Variants in PRKCE observed in about 807,000 individuals in gnomAD.
The protein encoded by PRKCE is protein kinase C epsilon type.
PRKCE carries 16 observed loss-of-function variants against 85.4 expected under a neutral mutation model. That is an observed-to-expected ratio of 0.19 (90% CI 0.13 to 0.28). The LOEUF is 0.28. Ranked by LOEUF, PRKCE falls within the 10% of genes least tolerant of loss-of-function variation. The pLI, the probability that PRKCE is intolerant of heterozygous loss-of-function variation, is 1.00. For synonymous variants in PRKCE, 388 were observed against 371.5 expected (o/e 1.04, Z -0.51); for missense variants, 573 against 975.2 (o/e 0.59, Z 5.49).
At chr2:45,882,072 T>C (rs1279400334) in intron 2 of PRKCE, among the ~76,000 whole-genome samples, 1 of 152,226 alleles carries the variant, frequency 6.6e-6, no homozygotes, top group Non-Finnish European at 1.5e-5. Flanking sequence ...GAGTTAATAT[T>C]TTAAAAGTTT....
intron 10 of PRKCE, among the ~76,000 whole-genome samples, chr2:46,043,679 G>A (rs1000526875): frequency 1.3e-5 from 2 of 152,146 alleles, no homozygotes; most frequent in African/African-American, 2.4e-5. Flanking sequence ...CTGAGATGAT[G>A]TATCAGAGAA....
chr2:45,669,417 A>C (rs994193752), intron 1 of PRKCE, among the ~76,000 whole-genome samples: 6 of 152,208 alleles, frequency 3.9e-5, no homozygotes, highest in Admixed American at 6.5e-5. Flanking sequence ...CTCCTTCACA[A>C]GTCTCTCATG....
chr2:46,116,748 GA>G (rs5830889), intron 11 of PRKCE, among the ~76,000 whole-genome samples: 111,741 of 151,672 alleles, frequency 0.74, 41,720 homozygotes, highest in East Asian at 0.98. Context: ...CCTGTTCGGA[GA>G]AAAAAAAAGC....
chr2:45,951,658 G>T (rs566672433), intron 2 of PRKCE, among the ~76,000 whole-genome samples: 1 of 152,330 alleles, frequency 6.6e-6, no homozygotes, highest in East Asian at 1.9e-4. Flanking sequence ...CTCTGTGCTG[G>T]AGGCAAATGT....
chr2:45,693,246 A>G (rs1355698337), intron 1 of PRKCE, among the ~76,000 whole-genome samples: 1 of 152,224 alleles, frequency 6.6e-6, no homozygotes, highest in African/African-American at 2.4e-5. Context: ...TAGGGGGTTC[A>G]GGCAGAGAGT....
Position 45,907,593 on chromosome 2 carries a change from T to C in PRKCE, c.412+64530T>C, listed in dbSNP as rs1243743358. ...GCCCAAGCCTGCTTCCCATGTCACG[T>C]GTGTCATTTTCCCAGTGCCAATCAT... On this transcript the variant is annotated intron_variant, in intron 2 of 14. Transcript: ENST00000306156. This position sits in a 1 kb window ranked among gnomAD's most constrained non-coding sequence, Gnocchi z 4.5. Among the ~76,000 whole-genome samples, 1 of 152,180 alleles carries C rather than the reference T, an allele frequency of 6.6e-6. No homozygotes were observed. Among genetic ancestry groups the C allele is most frequent in the Admixed American group, 6.5e-5 (1 of 15,290 alleles).
chr2:46,081,838 G>T (rs1026329518), intron 10 of PRKCE, among the ~76,000 whole-genome samples: 2 of 152,212 alleles, frequency 1.3e-5, no homozygotes, highest in Non-Finnish European at 2.9e-5. Flanking sequence ...GCTCATGCTT[G>T]TAATCCCAGC....
chr2:45,688,853 G>T (rs1327703174), intron 1 of PRKCE, among the ~76,000 whole-genome samples: 3 of 152,206 alleles, frequency 2.0e-5, no homozygotes, highest in Non-Finnish European at 4.4e-5. Flanking sequence ...GGATCAATGT[G>T]CATTAGCCAG....
chr2:45,961,233 CT>C (rs1207394097), intron 2 of PRKCE, among the ~76,000 whole-genome samples: 3 of 152,076 alleles, frequency 2.0e-5, no homozygotes, highest in African/African-American at 7.2e-5. Context: ...TACCTACCTC[CT>C]TTCCCCCCCC....
rs1301967900 is a variant in PRKCE, at chr2:45,905,514, A to G, written c.412+62451A>G. Among the ~76,000 whole-genome samples the G allele has an allele frequency of 1.3e-5, 2 of 152,228 alleles. No individual in the cohort carries two copies. The highest frequency in any genetic ancestry group is 4.8e-5 in the African/African-American group (2 of 41,460). On this transcript the variant is annotated intron_variant, in intron 2 of 14. Transcript: ENST00000306156. This position sits in a 1 kb window ranked among gnomAD's most constrained non-coding sequence, Gnocchi z 4.4. The stretch of plus-strand genomic sequence containing the variant: ...ATAATCAGGTAAAAAACACCCTGCC[A>G]TCTGGTAAAACACAGCTTAAGCACA...
chr2:45,995,134 T>C (rs1454773467), intron 6 of PRKCE, among the ~76,000 whole-genome samples: 3 of 152,128 alleles, frequency 2.0e-5, no homozygotes, highest in Non-Finnish European at 2.9e-5. Flanking sequence ...GGTTATTCAT[T>C]TTGTTATTGT....
At chr2:45,810,561 T>C (rs1236628954) in intron 1 of PRKCE, among the ~76,000 whole-genome samples, 1 of 151,926 alleles carries the variant, frequency 6.6e-6, no homozygotes, top group Non-Finnish European at 1.5e-5. Flanking sequence ...ACTGCAATGT[T>C]AACTTCATCT....
intron 10 of PRKCE, among the ~76,000 whole-genome samples, chr2:46,025,909 A>T (rs1402653143): frequency 1.3e-5 from 2 of 152,160 alleles, no homozygotes; most frequent in East Asian, 1.9e-4. Context: ...ACCCATCACT[A>T]TGGGAACCAG....
At position 45,767,126 on chromosome 2, in the gene PRKCE, C is replaced by T. The variant is rs150172435; in HGVS notation, c.349-75874C>T. ...TACTTTGGTCTTTGCGTTTGCTTCCCGTAGAAATGTACTTTTTCTAATTAT... is the reference window on the plus strand; with the variant it reads ...TACTTTGGTCTTTGCGTTTGCTTCCTGTAGAAATGTACTTTTTCTAATTAT... On this transcript the variant is annotated intron_variant, in intron 1 of 14. Transcript: ENST00000306156. Among the ~76,000 whole-genome samples the T allele has an allele frequency of 3.7e-4, 56 of 152,158 alleles. No homozygotes were observed. The East Asian group carries it at 8.1e-3, about 22-fold the overall frequency.
intron 1 of PRKCE, among the ~76,000 whole-genome samples, chr2:45,728,995 C>T (rs1272498450): frequency 6.6e-6 from 1 of 152,080 alleles, no homozygotes; most frequent in East Asian, 1.9e-4. Context: ...GCCTCTATTC[C>T]CACTTCTTCC....
intron 5 of PRKCE, among the ~76,000 whole-genome samples, chr2:45,981,566 C>G (rs1318097978): frequency 6.6e-6 from 1 of 152,190 alleles, no homozygotes; most frequent in African/African-American, 2.4e-5. Context: ...GCCCAGAGCA[C>G]CAACATTGTT....
At chr2:45,762,612 TA>T (rs775380091) in intron 1 of PRKCE, among the ~76,000 whole-genome samples, 2 of 152,244 alleles carry the variant, frequency 1.3e-5, no homozygotes, top group African/African-American at 2.4e-5. Context: ...AGATGTTATC[TA>T]AAAGATACAT....
chr2:45,846,756 T>C (rs894407407), intron 2 of PRKCE, among the ~76,000 whole-genome samples: 2 of 152,154 alleles, frequency 1.3e-5, no homozygotes, highest in Non-Finnish European at 2.9e-5. Flanking sequence ...TAGTGTTTAG[T>C]AGCTTAGAGC....
intron 2 of PRKCE, among the ~76,000 whole-genome samples, chr2:45,934,791 C>T (rs1456448488): frequency 6.6e-6 from 1 of 151,226 alleles, no homozygotes; most frequent in East Asian, 1.9e-4. Context: ...TGGTGGCTCA[C>T]ACTTATAATC....
Sources: allele counts gnomAD v4.1 joint callset (sites outside exome capture counted in the v4.1 genomes callset), GRCh38; gene constraint gnomAD v4.1.1; non-coding constraint Gnocchi (gnomAD v3.1); transcripts MANE v1.5; gene names NCBI Gene and HGNC (gene_info 2026-07-23, HGNC 2026-07-21).